Variants in LHFPL6 observed in about 807,000 individuals in gnomAD.
LHFPL6 encodes the protein LHFPL tetraspan subfamily member 6, also known as LHFPL tetraspan subfamily member 6 protein.
LHFPL6 carries 9 observed loss-of-function variants against 20.6 expected under a neutral mutation model. The ratio of observed to expected loss-of-function variants is 0.44; its 90% CI spans 0.26 to 0.76. The LOEUF (loss-of-function observed/expected upper bound fraction) is 0.76. Ranked by LOEUF, LHFPL6 falls within the 30% of genes least tolerant of loss-of-function variation. The pLI is 0.20. For synonymous variants in LHFPL6, 105 were observed against 98.7 expected, an observed-to-expected ratio of 1.06 and a Z score of -0.38; for missense variants, 218 against 253.5, an observed-to-expected ratio of 0.86 and a Z score of 0.95.
intron 2 of LHFPL6, among the ~76,000 whole-genome samples, chr13:39,396,204 C>T (rs1870838094): frequency 6.6e-6 from 1 of 152,048 alleles, no homozygotes; most frequent in South Asian, 2.1e-4. Context: ...TGTTGCCCTC[C>T]ACTGCTGCCC....
intron 2 of LHFPL6, among the ~76,000 whole-genome samples, chr13:39,579,858 GAA>G (rs1334950919): frequency 6.6e-6 from 1 of 152,124 alleles, no homozygotes; most frequent in Non-Finnish European, 1.5e-5. Context: ...TCTTTCTGAG[GAA>G]AAGAGTCTAC....
intron 2 of LHFPL6, among the ~76,000 whole-genome samples, chr13:39,485,392 A>C (rs1161932755): frequency 6.6e-6 from 1 of 152,210 alleles, no homozygotes; most frequent in East Asian, 1.9e-4. Context: ...TACATGATTC[A>C]AGAGAAATCT....
At chr13:39,404,897 T>C (rs1281935651) in intron 2 of LHFPL6, among the ~76,000 whole-genome samples, 1 of 152,192 alleles carries the variant, frequency 6.6e-6, no homozygotes, top group Non-Finnish European at 1.5e-5. Context: ...GAATGGTCAA[T>C]AAATTCAATG....
At chr13:39,577,693 G>A (rs1330152455) in intron 2 of LHFPL6, among the ~76,000 whole-genome samples, 5 of 151,882 alleles carry the variant, frequency 3.3e-5, no homozygotes, top group South Asian at 4.2e-4. Context: ...ATGTAGTGGC[G>A]CTATCTTGGC....
intron 3 of LHFPL6, among the ~76,000 whole-genome samples, chr13:39,362,302 G>A (rs1212931684): frequency 6.6e-6 from 1 of 152,130 alleles, no homozygotes; most frequent in Non-Finnish European, 1.5e-5. Context: ...CTCCTGTTCC[G>A]GCTAGGTAAG....
chr13:39,562,222 G>T (rs938912580), intron 2 of LHFPL6, among the ~76,000 whole-genome samples: 4 of 151,882 alleles, frequency 2.6e-5, no homozygotes, highest in African/African-American at 9.7e-5. Flanking sequence ...ATTGTGTGCA[G>T]TACTAAACAT....
chr13:39,424,866 TAC>T (rs1199620184), intron 2 of LHFPL6, among the ~76,000 whole-genome samples: 2 of 152,156 alleles, frequency 1.3e-5, no homozygotes, highest in Non-Finnish European at 2.9e-5. Flanking sequence ...GTACTAAAGT[TAC>T]AGTTTTATTT....
chr13:39,343,474 C>CAAAAA lies in LHFPL6; in HGVS notation c.*461_*462insTTTTT, dbSNP rs1869301920. 4.3e-6 allele frequency: 1 copy of CAAAAA among 232,852 alleles called. No individual in the cohort carries two copies. The highest frequency in any genetic ancestry group is 5.6e-5 in the Admixed American group (1 of 17,736). The allele number at this position is 232,852 out of a possible 1,614,324, so 14.4% of individuals were successfully genotyped here. On this transcript the variant is annotated 3_prime_UTR_variant, in exon 4 of 4. Transcript: ENST00000379589. Reference sequence around the variant, plus strand: ...GTGCTTTTGGGAGTGCCGTGACCTACAGGGAACATCTTTGGGGGTACCCTG... The same window carrying CAAAAA: ...GTGCTTTTGGGAGTGCCGTGACCTACAAAAAAGGGAACATCTTTGGGGGTACCCTG...
intron 2 of LHFPL6, among the ~76,000 whole-genome samples, chr13:39,561,135 G>A (rs1291626113): frequency 1.3e-5 from 2 of 151,710 alleles, no homozygotes; most frequent in Non-Finnish European, 2.9e-5. Flanking sequence ...CCTATTCAGG[G>A]CCCAAGTCAC....
intron 2 of LHFPL6, among the ~76,000 whole-genome samples, chr13:39,551,419 C>T (rs1236613176): frequency 6.6e-6 from 1 of 151,430 alleles, no homozygotes; most frequent in Non-Finnish European, 1.5e-5. Flanking sequence ...ACCCAATTAC[C>T]TTTTATTTGG....
chr13:39,498,965 A>G (rs1453625902), intron 2 of LHFPL6, among the ~76,000 whole-genome samples: 1 of 152,126 alleles, frequency 6.6e-6, no homozygotes, highest in Non-Finnish European at 1.5e-5. Flanking sequence ...GGTTCGACTG[A>G]TTCTCCTCCC....
intron 2 of LHFPL6, among the ~76,000 whole-genome samples, chr13:39,596,692 G>C (rs1005370304): frequency 4.0e-5 from 6 of 150,486 alleles, no homozygotes; most frequent in African/African-American, 1.5e-4. Flanking sequence ...TTCCCCAAGT[G>C]ACCTAAGAAG....
intron 2 of LHFPL6, among the ~76,000 whole-genome samples, chr13:39,448,384 A>G (rs1872350392): frequency 6.6e-6 from 1 of 152,190 alleles, no homozygotes; most frequent in Non-Finnish European, 1.5e-5. Context: ...ATCAGGTAGG[A>G]AAGTGGGGAA....
intron 2 of LHFPL6, among the ~76,000 whole-genome samples, chr13:39,412,796 T>C (rs954331527): frequency 6.6e-6 from 1 of 151,768 alleles, no homozygotes; most frequent in African/African-American, 2.4e-5. Context: ...GGTGGCGGGC[T>C]CCTGTAATCC....
At chr13:39,348,282 T>C (rs979685892) in intron 3 of LHFPL6, among the ~76,000 whole-genome samples, 1 of 152,098 alleles carries the variant, frequency 6.6e-6, no homozygotes, top group African/African-American at 2.4e-5. Context: ...TTGCTCCCAA[T>C]AGCTTATATT....
intron 2 of LHFPL6, among the ~76,000 whole-genome samples, chr13:39,548,454 TC>T (rs1202723199): frequency 6.6e-6 from 1 of 152,074 alleles, no homozygotes; most frequent in Non-Finnish European, 1.5e-5. Flanking sequence ...ACAACATAAC[TC>T]CCGATGGTCA....
chr13:39,346,192 A>G (rs1869396048), intron 3 of LHFPL6, among the ~76,000 whole-genome samples: 1 of 152,138 alleles, frequency 6.6e-6, no homozygotes, highest in Non-Finnish European at 1.5e-5. Context: ...GACAGAGCTA[A>G]GGGAGTTATT....
At chr13:39,399,745 A>T (rs1412671719) in intron 2 of LHFPL6, among the ~76,000 whole-genome samples, 3 of 152,188 alleles carry the variant, frequency 2.0e-5, no homozygotes, top group African/African-American at 4.8e-5. Flanking sequence ...ACCTGAAAGG[A>T]GATGAAGGGG....
At chr13:39,511,503 G>A (rs112557634) in intron 2 of LHFPL6, among the ~76,000 whole-genome samples, 3,540 of 150,124 alleles carry the variant, frequency 0.024, 140 homozygotes, top group African/African-American at 0.082. Context: ...AGATACATTC[G>A]CCACCTCTGA....
Sources: allele counts gnomAD v4.1 joint callset (sites outside exome capture counted in the v4.1 genomes callset), GRCh38; gene constraint gnomAD v4.1.1; transcripts MANE v1.5; gene names NCBI Gene and HGNC (gene_info 2026-07-23, HGNC 2026-07-21).